PTPRD: variants seen among roughly 807,000 people sequenced by gnomAD.
PTPRD encodes the protein protein tyrosine phosphatase receptor type D, also known as receptor-type tyrosine-protein phosphatase delta.
Under a neutral mutation model 214.5 loss-of-function variants are expected in PTPRD, and 34 were observed. That is an observed-to-expected ratio of 0.16 (90% CI 0.12 to 0.21). The LOEUF is 0.21. Ranked by LOEUF, PTPRD falls within the 10% of genes least tolerant of loss-of-function variation. The pLI is 1.00. For missense variants in PTPRD, 2,545 were observed against 2,398.7 expected (o/e 1.06, Z -1.27); for synonymous variants, 1,128 against 845.7 (o/e 1.33, Z -5.79).
At chr9:9,051,474 A>G (rs1247379260) in intron 10 of PTPRD, among the ~76,000 whole-genome samples, 2 of 152,136 alleles carry the variant, frequency 1.3e-5, no homozygotes, top group African/African-American at 4.8e-5. Flanking sequence ...GTGAAATCCA[A>G]CCTTGGTGTC....
chr9:10,289,860 C>A (rs2095478612), intron 3 of PTPRD, among the ~76,000 whole-genome samples: 1 of 152,120 alleles, frequency 6.6e-6, no homozygotes, highest in African/African-American at 2.4e-5. Flanking sequence ...AAGAGAGGTA[C>A]AGATAGAATC....
chr9:9,624,749 G>A (rs2095364354), intron 7 of PTPRD, among the ~76,000 whole-genome samples: 3 of 151,370 alleles, frequency 2.0e-5, no homozygotes, highest in Admixed American at 1.3e-4. Context: ...GATCTGGGGA[G>A]TTTCCAGCAG....
Position 10,397,550 on chromosome 9 carries a change from A to C in PTPRD, c.-599-56533T>G, listed in dbSNP as rs1337566355. Among the ~76,000 whole-genome samples, 5 of 152,156 alleles carry C rather than the reference A, an allele frequency of 3.3e-5. No individual in the cohort carries two copies. In the East Asian group the frequency reaches 9.8e-4, roughly 30 times the overall value. On this transcript the variant is annotated intron_variant, in intron 2 of 45. Coordinates refer to ENST00000381196, the MANE Select transcript of PTPRD (RefSeq NM_002839.4). Reference sequence around the variant, plus strand: ...ACATATATAGTCATGCACTGACAACAAACAGCATTTCAGCCAATGACCGAC... The same window carrying C: ...ACATATATAGTCATGCACTGACAACCAACAGCATTTCAGCCAATGACCGAC...
intron 5 of PTPRD, among the ~76,000 whole-genome samples, chr9:9,841,366 AC>A (rs2058292681): frequency 6.6e-6 from 1 of 152,124 alleles, no homozygotes; most frequent in East Asian, 1.9e-4. Flanking sequence ...TGTGCAAGTT[AC>A]TTTTTTTTCT....
chr9:10,606,185 G>A (rs911499059), intron 2 of PTPRD, among the ~76,000 whole-genome samples: 3 of 151,828 alleles, frequency 2.0e-5, no homozygotes, highest in Admixed American at 2.0e-4. Context: ...ATAAAAGTGT[G>A]AGCCAGACTT....
At chr9:9,360,696 A>G (rs915711227) in intron 9 of PTPRD, among the ~76,000 whole-genome samples, 1 of 151,194 alleles carries the variant, frequency 6.6e-6, no homozygotes, top group Admixed American at 6.6e-5. Context: ...TTTAGCAATT[A>G]TAAGTTATTT....
intron 31 of PTPRD, among the ~76,000 whole-genome samples, chr9:8,469,571 T>C (rs2096612743): frequency 6.6e-6 from 1 of 152,098 alleles, no homozygotes; most frequent in African/African-American, 2.4e-5. Context: ...GGCTTCAAAA[T>C]GCTTAGAAAA....
chr9:10,314,497 T>G (rs1293111969), intron 3 of PTPRD, among the ~76,000 whole-genome samples: 1 of 151,904 alleles, frequency 6.6e-6, no homozygotes, highest in South Asian at 2.1e-4. Flanking sequence ...AGATTTGTCA[T>G]AGAAAATTTG....
At position 10,278,183 on chromosome 9, in the gene PTPRD, T is replaced by C. The variant is rs559547166; in HGVS notation, c.-545+62780A>G. 6.0e-5 allele frequency among the ~76,000 whole-genome samples: 9 copies of C among 150,378 alleles called. No individual in the cohort carries two copies. In the East Asian group the frequency reaches 1.8e-3, roughly 29 times the overall value. On this transcript the variant is annotated intron_variant, in intron 3 of 45. Coordinates refer to ENST00000381196, the MANE Select transcript of PTPRD (RefSeq NM_002839.4). ...AAAACAAAACAAAACAAAAGGGTGC[T>C]TTGATCAACTTGTGGCCTCTAGGAA...
intron 8 of PTPRD, among the ~76,000 whole-genome samples, chr9:9,469,843 T>C (rs573378666): frequency 6.6e-6 from 1 of 152,280 alleles, no homozygotes; most frequent in South Asian, 2.1e-4. Context: ...TCAAATGCAG[T>C]CATGGCATAT....
intron 3 of PTPRD, among the ~76,000 whole-genome samples, chr9:10,284,163 G>A (rs143794085): frequency 6.6e-6 from 1 of 152,194 alleles, no homozygotes; most frequent in African/African-American, 2.4e-5. Flanking sequence ...TCCTAGTCTT[G>A]CATGTACATG....
intron 9 of PTPRD, among the ~76,000 whole-genome samples, chr9:9,271,983 G>A (rs1172409688): frequency 6.6e-6 from 1 of 151,226 alleles, no homozygotes; most frequent in Non-Finnish European, 1.5e-5. Flanking sequence ...CTTTCATGAG[G>A]TTGTAGCACT....
intron 3 of PTPRD, among the ~76,000 whole-genome samples, chr9:10,288,329 TG>T (rs2095426812): frequency 2.0e-5 from 3 of 152,012 alleles, no homozygotes; most frequent in African/African-American, 7.3e-5. Context: ...TTCCATTTGT[TG>T]TACCTAATTC....
At chr9:9,834,346 A>C (rs538685134) in intron 5 of PTPRD, among the ~76,000 whole-genome samples, 1 of 152,154 alleles carries the variant, frequency 6.6e-6, no homozygotes, top group East Asian at 1.9e-4. Flanking sequence ...AAAAGCCCAG[A>C]TCTACCATGG....
intron 9 of PTPRD, among the ~76,000 whole-genome samples, chr9:9,326,072 A>C (rs1595824301): frequency 6.6e-6 from 1 of 151,932 alleles, no homozygotes; most frequent in Admixed American, 6.6e-5. Flanking sequence ...AAGCTTTTTG[A>C]TGTGCCGCAG....
chr9:8,366,653 C>G (rs1205113922), intron 39 of PTPRD, among the ~76,000 whole-genome samples: 1 of 151,730 alleles, frequency 6.6e-6, no homozygotes, highest in Non-Finnish European at 1.5e-5. Context: ...TTATGACTCA[C>G]TTTCTTTCCA....
At chr9:9,177,136 G>A (rs2099925383) in intron 10 of PTPRD, among the ~76,000 whole-genome samples, 1 of 152,072 alleles carries the variant, frequency 6.6e-6, no homozygotes, top group Non-Finnish European at 1.5e-5. Flanking sequence ...TACAATCATG[G>A]TGGAAGGTGA....
intron 7 of PTPRD, among the ~76,000 whole-genome samples, chr9:9,599,543 C>T (rs982992075): frequency 2.0e-5 from 3 of 152,024 alleles, no homozygotes; most frequent in African/African-American, 4.8e-5. Flanking sequence ...TGGTGTTACT[C>T]ATTCTATTCT....
intron 9 of PTPRD, among the ~76,000 whole-genome samples, chr9:9,332,943 G>T (rs894445495): frequency 1.3e-5 from 2 of 151,950 alleles, no homozygotes; most frequent in African/African-American, 2.4e-5. Flanking sequence ...TCTTATGTTA[G>T]TTAGTGTTAA....
Sources: gnomAD v4.1 joint callset for allele counts (sites outside exome capture counted in the v4.1 genomes callset) on GRCh38, gnomAD v4.1.1 for gene constraint, MANE v1.5 for transcripts, NCBI Gene and HGNC (gene_info 2026-07-23, HGNC 2026-07-21) for gene names.